TBX15: variants seen among roughly 807,000 people sequenced by gnomAD.
TBX15 encodes the protein T-box transcription factor TBX15.
A neutral mutation model predicts 53.9 loss-of-function variants in TBX15; 18 were observed. That is an observed-to-expected ratio of 0.33 (90% CI 0.23 to 0.49). The LOEUF is 0.49. Ranked by LOEUF, TBX15 falls within the 20% of genes least tolerant of loss-of-function variation. The pLI is 0.98. For missense variants in TBX15, 692 were observed against 749.5 expected (o/e 0.92, Z 0.90); for synonymous variants, 295 against 278.0 (o/e 1.06, Z -0.61).
In TBX15 at chr1:118,884,588, G is replaced by T; in HGVS notation, c.*144C>A. On this transcript the variant is annotated 3_prime_UTR_variant, in exon 8 of 8. Transcript: ENST00000369429. ...GCTTAAAGGTATCTCTTGTTCTTGG[G>T]TATATGTCTTCGGCCAGAAAAAAAA... 1 of 973,704 alleles carries T rather than the reference G, an allele frequency of 1.0e-6. No homozygotes were observed. Among genetic ancestry groups the T allele is most frequent in the Non-Finnish European group, 1.5e-6 (1 of 676,252 alleles). The allele number at this position is 973,704 out of a possible 1,614,324, so 60.3% of individuals were successfully genotyped here. A position where few individuals can be genotyped will look rare whatever the true frequency, so the allele number is the denominator to read the frequency against.
chr1:118,937,883 G>A (rs1018396925), intron 1 of TBX15, among the ~76,000 whole-genome samples: 1 of 152,070 alleles, frequency 6.6e-6, no homozygotes. Context: ...GACTATCTCA[G>A]GGCTCCCATT....
intron 1 of TBX15, among the ~76,000 whole-genome samples, chr1:118,985,694 A>G (rs1281600013): frequency 6.6e-6 from 1 of 152,164 alleles, no homozygotes; most frequent in Non-Finnish European, 1.5e-5. Flanking sequence ...TAATCCAAAT[A>G]CCCATCTTTT....
intron 1 of TBX15, among the ~76,000 whole-genome samples, chr1:118,984,206 C>T (rs1346963740): frequency 6.6e-6 from 1 of 152,208 alleles, no homozygotes; most frequent in Non-Finnish European, 1.5e-5. Context: ...CACGTGTACG[C>T]GGAGTGTCGA....
At chr1:118,986,457 C>T (rs1327469051) in intron 1 of TBX15, among the ~76,000 whole-genome samples, 1 of 152,200 alleles carries the variant, frequency 6.6e-6, no homozygotes, top group African/African-American at 2.4e-5. Context: ...GCAGGTCACC[C>T]GCTAATCGCA....
rs563296045 is a variant in TBX15, at chr1:118,911,627, C to T, written c.926+2488G>A. The stretch of plus-strand genomic sequence containing the variant: ...TAAAGAGTGGCTCTAATTCCTACAA[C>T]ATAGATCTAATGCTGGTCAACACTA... On this transcript the variant is annotated intron_variant, in intron 6 of 7. Coordinates refer to ENST00000369429, the MANE Select transcript of TBX15 (RefSeq NM_001330677.2). 2.8e-4 allele frequency among the ~76,000 whole-genome samples: 43 copies of T among 152,328 alleles called. No individual in the cohort carries two copies. In the South Asian group the frequency reaches 8.5e-3, roughly 30 times the overall value.
chr1:118,943,635 C>T (rs1656254428), intron 1 of TBX15, among the ~76,000 whole-genome samples: 1 of 152,158 alleles, frequency 6.6e-6, no homozygotes, highest in Non-Finnish European at 1.5e-5. Context: ...GAGATAGCAA[C>T]TGAGGCTGAA....
chr1:118,904,634 T>C (rs916576072), intron 6 of TBX15, among the ~76,000 whole-genome samples: 2 of 152,222 alleles, frequency 1.3e-5, no homozygotes, highest in Non-Finnish European at 2.9e-5. Context: ...AAGAACCCTG[T>C]CCTCCCTTGG....
chr1:118,925,862 G>T (rs1655578900), intron 3 of TBX15, among the ~76,000 whole-genome samples: 1 of 151,966 alleles, frequency 6.6e-6, no homozygotes, highest in African/African-American at 2.4e-5. Flanking sequence ...AATGAGTAAT[G>T]ATTTACTGAT....
intron 7 of TBX15, among the ~76,000 whole-genome samples, chr1:118,887,918 ATT>A (rs1654006849): frequency 6.6e-6 from 1 of 152,212 alleles, no homozygotes; most frequent in Non-Finnish European, 1.5e-5. Flanking sequence ...TCAGAGGTAA[ATT>A]TTGACAAAGC....
At chr1:118,909,000 G>A (rs1041699495) in intron 6 of TBX15, among the ~76,000 whole-genome samples, 8 of 152,068 alleles carry the variant, frequency 5.3e-5, no homozygotes, top group African/African-American at 1.9e-4. Flanking sequence ...CTTGGTAATG[G>A]AAAGTAGCAG....
chr1:118,902,254 T>C (rs1198590889), intron 6 of TBX15, among the ~76,000 whole-genome samples: 2 of 152,178 alleles, frequency 1.3e-5, no homozygotes, highest in Non-Finnish European at 2.9e-5. Flanking sequence ...CTCAACCCTA[T>C]TATGCTTCAT....
In TBX15 at chr1:118,885,414, T is replaced by G. The variant is rs370672766; in HGVS notation, c.1127A>C (p.His376Pro). 3.1e-6 allele frequency: 5 copies of G among 1,613,544 alleles called. No individual in the cohort carries two copies. Among genetic ancestry groups the G allele is most frequent in the Non-Finnish European group, 4.2e-6 (5 of 1,179,914 alleles). The change falls in exon 8 of 8, where the codon CAT becomes CCT. Residue 376 changes from histidine (H) to proline (P), a missense_variant. Physicochemically the swap from His to Pro is moderately conservative, Grantham distance 77. Around this residue, in one of 3 missense-constraint regions of TBX15, gnomAD observed 375 missense variants for 371.6 expected, o/e 1.01. Coordinates refer to ENST00000369429, the MANE Select transcript of TBX15 (RefSeq NM_001330677.2). ...LSPSCSPPTF[H>P]LAPNTFNVGC... ...CACATTGAAAGTGTTGGGGGCCAGA[T>G]GAAAAGTTGGAGGAGAACAGGATGG...
intron 1 of TBX15, among the ~76,000 whole-genome samples, chr1:118,960,895 C>A (rs1265794252): frequency 6.6e-6 from 1 of 152,152 alleles, no homozygotes; most frequent in Admixed American, 6.5e-5. Context: ...TTGGCCCAAC[C>A]CATCCTCTTG....
At chr1:118,912,101 C>T (rs964337165) in intron 6 of TBX15, among the ~76,000 whole-genome samples, 5 of 151,190 alleles carry the variant, frequency 3.3e-5, no homozygotes, top group Admixed American at 2.6e-4. Flanking sequence ...TTTAGAAAAA[C>T]GAATAAAAAC....
At chr1:118,908,339 T>C (rs1654906626) in intron 6 of TBX15, among the ~76,000 whole-genome samples, 1 of 147,804 alleles carries the variant, frequency 6.8e-6, no homozygotes, top group African/African-American at 2.5e-5. Flanking sequence ...GCTTATATTC[T>C]AGTAGGGGGC....
intron 6 of TBX15, among the ~76,000 whole-genome samples, chr1:118,904,777 C>G (rs932254002): frequency 5.3e-5 from 8 of 152,198 alleles, no homozygotes; most frequent in Admixed American, 2.0e-4. Flanking sequence ...AATTGTCTAA[C>G]TTTAATTCAG....
At chr1:118,889,291 T>C (rs899123113) in intron 7 of TBX15, among the ~76,000 whole-genome samples, 38 of 152,250 alleles carry the variant, frequency 2.5e-4, no homozygotes, top group Non-Finnish European at 4.4e-5. Context: ...TCTCCTCCTA[T>C]GATCTAACAG....
chr1:118,955,106 C>A (rs1192408173), intron 1 of TBX15, among the ~76,000 whole-genome samples: 1 of 152,188 alleles, frequency 6.6e-6, no homozygotes, highest in Non-Finnish European at 1.5e-5. Flanking sequence ...GAAGGCCTCC[C>A]CTGCCCTAAG....
In TBX15 at chr1:118,988,142, C is replaced by G. The variant is rs1214778082; in HGVS notation, c.-347G>C. 9.0e-6 allele frequency: 2 copies of G among 221,790 alleles called. No individual in the cohort carries two copies. The highest frequency in any genetic ancestry group is 1.5e-4 in the Admixed American group (2 of 13,122). The allele number at this position is 221,790 out of a possible 1,614,324, so 13.7% of individuals were successfully genotyped here. On this transcript the variant is annotated 5_prime_UTR_variant, in exon 1 of 8. Coordinates refer to ENST00000369429, the MANE Select transcript of TBX15 (RefSeq NM_001330677.2). ...TCTTGTTTTTGTTATTATTATTATTCTCTCTCCTCTCTCTCTCTCTCTCTC... is the reference window on the plus strand; with the variant it reads ...TCTTGTTTTTGTTATTATTATTATTGTCTCTCCTCTCTCTCTCTCTCTCTC...
Sources: allele counts gnomAD v4.1 joint callset (sites outside exome capture counted in the v4.1 genomes callset), GRCh38; gene constraint gnomAD v4.1.1; regional missense constraint gnomAD v4.1.1; transcripts MANE v1.5; gene names NCBI Gene and HGNC (gene_info 2026-07-23, HGNC 2026-07-21).